RAPGEF5: variants seen among roughly 807,000 people sequenced by gnomAD.
The protein encoded by RAPGEF5 is Rap guanine nucleotide exchange factor 5, also known as M-Ras-regulated GEF.
A neutral mutation model predicts 125.2 loss-of-function variants in RAPGEF5; 65 were observed. The observed-to-expected ratio is 0.52, with a 90% confidence interval of 0.43 to 0.64. The LOEUF (loss-of-function observed/expected upper bound fraction) is 0.64. Among genes scored for constraint, RAPGEF5 ranks in the 30% least tolerant of loss-of-function variants. RAPGEF5 has a pLI of 0.00. For missense variants in RAPGEF5, 958 were observed against 1,048.1 expected (o/e 0.91, Z 1.19); for synonymous variants, 391 against 385.9 (o/e 1.01, Z -0.16).
rs1349907398 is a variant in RAPGEF5 at position 22,357,082 on chromosome 7, CG to C, written c.-23del. ...TCATGCCCTGACGGCGCTGCGGCGC[CG>C]GGGGCTCCTCTCCACCGCGCTCGCC... is the stretch of plus-strand genomic sequence containing the variant. On this transcript the variant is annotated 5_prime_UTR_variant, in exon 1 of 26. Coordinates refer to ENST00000665637, the MANE Select transcript of RAPGEF5 (RefSeq NM_012294.5). 15 of 1,025,546 alleles carry C rather than the reference CG, an allele frequency of 1.5e-5. No homozygotes were observed. The East Asian group carries it at 2.6e-4, about 18-fold the overall frequency. The allele number at this position is 1,025,546 out of a possible 1,614,324, so 63.5% of individuals were successfully genotyped here.
At chr7:22,231,867 G>C (rs1208894044) in intron 7 of RAPGEF5, among the ~76,000 whole-genome samples, 2 of 152,168 alleles carry the variant, frequency 1.3e-5, no homozygotes, top group Admixed American at 6.5e-5. Context: ...CTAAGAACAC[G>C]GGGAACCACG....
intron 1 of RAPGEF5, among the ~76,000 whole-genome samples, chr7:22,345,476 G>A (rs563286437): frequency 6.6e-6 from 1 of 152,198 alleles, no homozygotes; most frequent in African/African-American, 2.4e-5. Flanking sequence ...CAGACGGTGA[G>A]GCCGCAGCAT....
chr7:22,290,763 A>C (rs1211472135), intron 6 of RAPGEF5, among the ~76,000 whole-genome samples: 2 of 148,292 alleles, frequency 1.3e-5, no homozygotes, highest in African/African-American at 2.5e-5. Flanking sequence ...AAAAAAAAAA[A>C]CCACAATGAA....
intron 1 of RAPGEF5, among the ~76,000 whole-genome samples, chr7:22,337,910 T>A (rs1302466022): frequency 6.6e-6 from 1 of 152,240 alleles, no homozygotes; most frequent in Non-Finnish European, 1.5e-5. Context: ...CAGAAATCTC[T>A]GAGCAAATCA....
intron 16 of RAPGEF5, 85 bp from the exon 17 acceptor site, chr7:22,154,689 CTTTT>C: frequency 4.0e-5 from 59 of 1,481,640 alleles, no homozygotes; most frequent in Middle Eastern, 2.4e-4. Context: ...CCTTGATCAA[CTTTT>C]CTAAATCAAC....
intron 1 of RAPGEF5, among the ~76,000 whole-genome samples, chr7:22,327,640 C>T (rs138386791): frequency 2.6e-5 from 4 of 152,360 alleles, no homozygotes; most frequent in East Asian, 3.9e-4. Flanking sequence ...ATCAGCACCA[C>T]TTAAAAGTTG....
chr7:22,194,027 C>T lies in RAPGEF5; in HGVS notation c.1003G>A (p.Asp335Asn), dbSNP rs578001462. ...KEQEKSEHQDDEVTTVQVKEQ... is the reference protein window; with the variant it reads ...KEQEKSEHQDNEVTTVQVKEQ... ...TTAACCTGAACAGTCGTCACTTCAT[C>T]ATCTTGCTTTAATTGTGGACAGGGA... Residue 335 changes from aspartate to asparagine, a missense_variant, in exon 10 of 26, where the codon GAT becomes AAT. Physicochemically the swap from Asp to Asn is conservative, Grantham distance 23. Transcript: ENST00000665637. 2.5e-6 allele frequency: 4 copies of T among 1,612,656 alleles called. No individual in the cohort carries two copies. The highest frequency in any genetic ancestry group is 3.4e-6 in the Non-Finnish European group (4 of 1,179,306).
At chr7:22,239,018 T>A (rs553350357) in intron 7 of RAPGEF5, among the ~76,000 whole-genome samples, 2 of 152,212 alleles carry the variant, frequency 1.3e-5, no homozygotes, top group Non-Finnish European at 2.9e-5. Context: ...AGTATAAGCA[T>A]GAACTGACTT....
intron 6 of RAPGEF5, among the ~76,000 whole-genome samples, chr7:22,289,041 C>T (rs1327853732): frequency 6.6e-6 from 1 of 152,212 alleles, no homozygotes; most frequent in Non-Finnish European, 1.5e-5. Context: ...ACACATCCTC[C>T]TAATTATCAT....
chr7:22,334,402 AG>A (rs1583586611), intron 1 of RAPGEF5, among the ~76,000 whole-genome samples: 1 of 152,242 alleles, frequency 6.6e-6, no homozygotes, highest in African/African-American at 2.4e-5. Context: ...GTAGACATTG[AG>A]GTCTTTATGT....
intron 11 of RAPGEF5, among the ~76,000 whole-genome samples, chr7:22,187,769 G>C (rs867159233): frequency 1.1e-4 from 16 of 152,316 alleles, no homozygotes; most frequent in Middle Eastern, 3.4e-3. Flanking sequence ...GTTGTAAAGG[G>C]GGAACGTTGT....
At chr7:22,265,541 G>A (rs2128141543) in intron 7 of RAPGEF5, among the ~76,000 whole-genome samples, 1 of 152,140 alleles carries the variant, frequency 6.6e-6, no homozygotes, top group East Asian at 1.9e-4. Context: ...TGCCTATTGT[G>A]AACAGCGCTG....
chr7:22,243,050 C>T (rs1277547804), intron 7 of RAPGEF5, among the ~76,000 whole-genome samples: 1 of 151,612 alleles, frequency 6.6e-6, no homozygotes, highest in Non-Finnish European at 1.5e-5. Context: ...CTTGTAAGGA[C>T]CACAGAGCCA....
chr7:22,299,947 T>C (rs981151048), intron 5 of RAPGEF5, among the ~76,000 whole-genome samples: 1 of 152,246 alleles, frequency 6.6e-6, no homozygotes, highest in Non-Finnish European at 1.5e-5. Context: ...TGTTTTTAAG[T>C]ATCTAGGAGT....
chr7:22,157,635 G>A (rs1460812844), intron 15 of RAPGEF5, among the ~76,000 whole-genome samples: 1 of 152,198 alleles, frequency 6.6e-6, no homozygotes, highest in Non-Finnish European at 1.5e-5. Context: ...TCAGCAGAAT[G>A]TCAAAAAGCC....
chr7:22,265,184 C>T (rs923324587), intron 7 of RAPGEF5, among the ~76,000 whole-genome samples: 4 of 152,144 alleles, frequency 2.6e-5, no homozygotes, highest in East Asian at 1.9e-4. Flanking sequence ...ACTATATCCA[C>T]GATACTGTGC....
intron 11 of RAPGEF5, among the ~76,000 whole-genome samples, chr7:22,188,285 C>T (rs982490222): frequency 6.6e-6 from 1 of 152,166 alleles, no homozygotes; most frequent in African/African-American, 2.4e-5. Flanking sequence ...AAGAAGTTCA[C>T]TTACGTTGTC....
rs77719144 is a variant in RAPGEF5, at chr7:22,203,872, G to A, written c.997-9839C>T. ...ACAGAGGCCTATTTGAGATCACGTCGGAAGAAATGAGGATGCAGAAATCTA... is the reference window on the plus strand; with the variant it reads ...ACAGAGGCCTATTTGAGATCACGTCAGAAGAAATGAGGATGCAGAAATCTA... On this transcript the variant is annotated intron_variant, in intron 9 of 25. Coordinates refer to ENST00000665637, the MANE Select transcript of RAPGEF5 (RefSeq NM_012294.5). 6.4e-3 allele frequency among the ~76,000 whole-genome samples: 967 copies of A among 152,162 alleles called. 7 individuals are homozygous for A. Among genetic ancestry groups the A allele is most frequent in the Non-Finnish European group, 0.01 (713 of 68,012 alleles).
intron 7 of RAPGEF5, among the ~76,000 whole-genome samples, chr7:22,253,304 G>A (rs968787204): frequency 6.6e-6 from 1 of 152,280 alleles, no homozygotes; most frequent in South Asian, 2.1e-4. Flanking sequence ...CACATTCAGC[G>A]GGGTTATCAG....
Sources: allele counts gnomAD v4.1 joint callset (sites outside exome capture counted in the v4.1 genomes callset), GRCh38; gene constraint gnomAD v4.1.1; transcripts MANE v1.5; gene names NCBI Gene and HGNC (gene_info 2026-07-23, HGNC 2026-07-21).